Variants in ABRA observed in about 807,000 individuals in gnomAD.
The protein encoded by ABRA is actin-binding Rho-activating protein.
In ABRA, 25 loss-of-function variants were observed where a neutral mutation model predicts 33.4. The observed-to-expected ratio is 0.75, with a 90% CI of 0.55 to 1.04. The LOEUF (loss-of-function observed/expected upper bound fraction) is 1.04, where lower values mean the gene tolerates loss of function less well. Among genes scored for constraint, ABRA ranks in the 50% least tolerant of loss-of-function variants. The probability of loss-of-function intolerance (pLI) is 0.00; values close to 1 mark genes in which losing one functional copy is unlikely to be tolerated. For synonymous variants in ABRA, 193 were observed against 176.8 expected (o/e 1.09, Z -0.73); for missense variants, 501 against 491.7 (o/e 1.02, Z -0.18).
In ABRA at chr8:106,761,143, A is replaced by C. The variant is rs148231122; in HGVS notation, c.1040T>G (p.Val347Gly). Residue 347 changes from valine to glycine, a missense_variant, in exon 2 of 2, where the codon GTA becomes GGA. Coordinates refer to ENST00000311955, the MANE Select transcript of ABRA (RefSeq NM_139166.5). ...FDRYVRISDK[V>G]VGILMRARKH... is the part of the protein sequence containing the mutation. ...CCTGGCACGCATGAGAATGCCCACT[A>C]CTTTATCTGAAATACGAACGTATCT... The C allele has an allele frequency of 6.2e-7, 1 of 1,614,066 alleles. No homozygotes were observed. The highest frequency in any genetic ancestry group is 1.3e-5 in the African/African-American group (1 of 74,924).
chr8:106,759,556 G>C lies in ABRA; in HGVS notation c.*1481C>G, dbSNP rs887157031. 1.3e-5 allele frequency: 2 copies of C among 152,138 alleles called. No individual in the cohort carries two copies. Among genetic ancestry groups the C allele is most frequent in the Non-Finnish European group, 2.9e-5 (2 of 68,018 alleles). 9.4% of individuals were successfully genotyped at this position (152,138 alleles called of 1,614,324 possible). A position where few individuals can be genotyped will look rare whatever the true frequency, so the allele number is the denominator to read the frequency against. On this transcript the variant is annotated 3_prime_UTR_variant, in exon 2 of 2. Transcript: ENST00000311955. The stretch of plus-strand genomic sequence containing the variant: ...CGTAGGTTTCACTTGTAATAGAAGT[G>C]TGCATCTTACATGAAATCCTACTTA...
At position 106,769,849 on chromosome 8, in the gene ABRA, G is replaced by C; in HGVS notation, c.342C>G (p.Val114=). The C allele has an allele frequency of 6.2e-7, 1 of 1,614,144 alleles. No individual in the cohort carries two copies. Among genetic ancestry groups the C allele is most frequent in the Non-Finnish European group, 8.5e-7 (1 of 1,180,038 alleles). ...CCCCTCCTCTCTCATAAGTCTTGCT[G>C]ACCACCGTTTTGGACACCTCTTTCT... ...IKKKEVSKTV[V]SKTYERGGDV... Residue 114 remains valine (V), a synonymous_variant, in exon 1 of 2, where the codon GTC becomes GTG. Coordinates refer to ENST00000311955, the MANE Select transcript of ABRA (RefSeq NM_139166.5).
At chr8:106,763,423 T>C (rs1176092899) in intron 1 of ABRA, among the ~76,000 whole-genome samples, 1 of 152,176 alleles carries the variant, frequency 6.6e-6, no homozygotes, top group East Asian at 1.9e-4. Context: ...AAAAACCATA[T>C]ACACAATTAT....
rs182944429 is a variant in ABRA, at chr8:106,761,282, G to T, written c.901C>A (p.Arg301Ser). 1.2e-6 allele frequency: 2 copies of T among 1,614,206 alleles called. No homozygotes were observed. The highest frequency in any genetic ancestry group is 2.2e-5 in the East Asian group (1 of 44,882). ...EGTKTAERAKRAEEHIYREMM... is the reference protein window; with the variant it reads ...EGTKTAERAKSAEEHIYREMM... ...TCCCTGTAGATGTGCTCCTCAGCACGCTTGGCCCTTTCAGCAGTTTTGGTT... is the reference window on the plus strand; with the variant it reads ...TCCCTGTAGATGTGCTCCTCAGCACTCTTGGCCCTTTCAGCAGTTTTGGTT... The change falls in exon 2 of 2, where the codon CGT becomes AGT. Residue 301 changes from arginine to serine, a missense_variant. Arg to Ser is a moderately radical substitution (Grantham distance 110). Coordinates refer to ENST00000311955, the MANE Select transcript of ABRA (RefSeq NM_139166.5).
At position 106,760,273 on chromosome 8, in the gene ABRA, G is replaced by A. The variant is rs1376587045; in HGVS notation, c.*764C>T. The A allele has an allele frequency of 6.6e-6, 1 of 152,168 alleles. No homozygotes were observed. Among genetic ancestry groups the A allele is most frequent in the Non-Finnish European group, 1.5e-5 (1 of 68,040 alleles). The allele number at this position is 152,168 out of a possible 1,614,324, so 9.4% of individuals were successfully genotyped here. ...CCTTCCTTTGTTGGTACTAAGACAG[G>A]AAGTGTCTGTTTTTATGTGATTTGC... On this transcript the variant is annotated 3_prime_UTR_variant, in exon 2 of 2. Transcript: ENST00000311955.
chr8:106,766,629 C>T (rs1455399407), intron 1 of ABRA, among the ~76,000 whole-genome samples: 4 of 152,102 alleles, frequency 2.6e-5, no homozygotes, highest in Non-Finnish European at 5.9e-5. Context: ...TTCTGGTACC[C>T]TATGTACTCT....
chr8:106,765,198 A>AT (rs1836198253), intron 1 of ABRA, among the ~76,000 whole-genome samples: 1 of 152,318 alleles, frequency 6.6e-6, no homozygotes, highest in East Asian at 1.9e-4. Context: ...TAGTAAAAAA[A>AT]CTTTCTTATA....
intron 1 of ABRA, among the ~76,000 whole-genome samples, chr8:106,767,901 C>A (rs1191531490): frequency 1.3e-5 from 2 of 152,046 alleles, no homozygotes; most frequent in African/African-American, 2.4e-5. Flanking sequence ...TCGAGACCAG[C>A]CTGGCTAACA....
chr8:106,770,031 C>G lies in ABRA; in HGVS notation c.160G>C (p.Gly54Arg). The G allele has an allele frequency of 6.2e-7, 1 of 1,613,996 alleles. No homozygotes were observed. The highest frequency in any genetic ancestry group is 8.5e-7 in the Non-Finnish European group (1 of 1,180,006). The change falls in exon 1 of 2, where the codon GGA becomes CGA. Residue 54 changes from glycine (G) to arginine (R), a missense_variant. Coordinates refer to ENST00000311955, the MANE Select transcript of ABRA (RefSeq NM_139166.5). Reference protein sequence around the residue: ...QAQEPTGWLPGGTQDSPQAPK... With the variant: ...QAQEPTGWLPRGTQDSPQAPK... ...GCTTGAGGTGAGTCCTGGGTCCCTC[C>G]CGGCAGCCAGCCTGTAGGCTCCTGG...
rs774120607 is a variant in ABRA, at chr8:106,761,512, A to G, written c.671T>C (p.Val224Ala). The G allele has an allele frequency of 6.2e-7, 1 of 1,610,312 alleles. No individual in the cohort carries two copies. Among genetic ancestry groups the G allele is most frequent in the Non-Finnish European group, 8.5e-7 (1 of 1,177,880 alleles). Residue 224 changes from valine to alanine, a missense_variant and splice_region_variant, in exon 2 of 2, where the codon GTA (valine) becomes GCA (alanine). Transcript: ENST00000311955. ...GTTGAGTTTCTCTGTAAATCTGTTTACCCTAAAGTAGAGAGAGGGTGAACA... is the reference window on the plus strand; with the variant it reads ...GTTGAGTTTCTCTGTAAATCTGTTTGCCCTAAAGTAGAGAGAGGGTGAACA... The part of the protein sequence containing the change: ...VRIKRPLPSQ[V>A]NRFTEKLNCK...
At chr8:106,766,058 A>G (rs1387006339) in intron 1 of ABRA, among the ~76,000 whole-genome samples, 1 of 152,154 alleles carries the variant, frequency 6.6e-6, no homozygotes, top group East Asian at 1.9e-4. Flanking sequence ...CTATTTACAA[A>G]ATGGCAGCCT....
At chr8:106,763,421 T>C (rs1203565522) in intron 1 of ABRA, among the ~76,000 whole-genome samples, 1 of 152,154 alleles carries the variant, frequency 6.6e-6, no homozygotes, top group Non-Finnish European at 1.5e-5. Context: ...ACAAAAACCA[T>C]ATACACAATT....
chr8:106,764,863 C>T (rs1024079697), intron 1 of ABRA, among the ~76,000 whole-genome samples: 1 of 151,746 alleles, frequency 6.6e-6, no homozygotes, highest in African/African-American at 2.4e-5. Context: ...ATCTAATTTT[C>T]TCTATTTTAT....
chr8:106,769,014 C>G (rs1810549087), intron 1 of ABRA, among the ~76,000 whole-genome samples: 1 of 152,112 alleles, frequency 6.6e-6, no homozygotes, highest in African/African-American at 2.4e-5. Flanking sequence ...TCATTCAGAG[C>G]CTGCTTTCAA....
chr8:106,762,159 G>A (rs939864106), intron 1 of ABRA, among the ~76,000 whole-genome samples: 20 of 152,150 alleles, frequency 1.3e-4, no homozygotes, highest in African/African-American at 4.8e-4. Context: ...CCTGAGATAG[G>A]TACTACTATT....
At chr8:106,765,344 G>A (rs936741192) in intron 1 of ABRA, among the ~76,000 whole-genome samples, 9 of 152,130 alleles carry the variant, frequency 5.9e-5, no homozygotes, top group African/African-American at 1.4e-4. Context: ...TGCATGGGAC[G>A]CCTAAAGGCA....
chr8:106,769,390 A>G (rs1810559940), intron 1 of ABRA, 133 bp downstream of exon 1: 3 of 1,251,962 alleles, frequency 2.4e-6, no homozygotes, highest in Middle Eastern at 2.8e-4. Flanking sequence ...CCTCTACAGT[A>G]CTCACTGCCT....
At chr8:106,766,253 C>G (rs766518600) in intron 1 of ABRA, among the ~76,000 whole-genome samples, 1 of 151,916 alleles carries the variant, frequency 6.6e-6, no homozygotes, top group Non-Finnish European at 1.5e-5. Context: ...AAATATGAAC[C>G]ATTTTCATAG....
In ABRA at chr8:106,770,173, C is replaced by G; in HGVS notation, c.18G>C (p.Lys6Asn). The G allele has an allele frequency of 6.2e-7, 1 of 1,608,420 alleles. No individual in the cohort carries two copies. Among genetic ancestry groups the G allele is most frequent in the Non-Finnish European group, 8.5e-7 (1 of 1,178,978 alleles). Reference sequence around the variant, plus strand: ...TCTTGGCTGGGCCCTCCCCGCTTTCCTTTTCGCCCGGAGCCATGCTGCCCA... The same window carrying G: ...TCTTGGCTGGGCCCTCCCCGCTTTCGTTTTCGCCCGGAGCCATGCTGCCCA... MAPGE[K>N]ESGEGPAKSA... Residue 6 changes from lysine (K) to asparagine (N), a missense_variant, in exon 1 of 2, where the codon AAG (lysine) becomes AAC (asparagine). By Grantham distance (94) the Lys-to-Asn change is moderately conservative. Coordinates refer to ENST00000311955, the MANE Select transcript of ABRA (RefSeq NM_139166.5).
Sources: gnomAD v4.1 joint callset for allele counts (sites outside exome capture counted in the v4.1 genomes callset) on GRCh38, gnomAD v4.1.1 for gene constraint, MANE v1.5 for transcripts, NCBI Gene and HGNC (gene_info 2026-07-23, HGNC 2026-07-21) for gene names.